The following SLC35F4 variants were observed in gnomAD, a reference collection of about 807,000 sequenced individuals.
SLC35F4 encodes chromosome 14 open reading frame 36.
In SLC35F4, 24 loss-of-function variants were observed where a neutral mutation model predicts 44.2. The ratio of observed to expected loss-of-function variants is 0.54; its 90% confidence interval spans 0.39 to 0.76. The LOEUF is 0.76. SLC35F4 is among the 30% of genes least tolerant of loss of function. The pLI is 0.00. For missense variants in SLC35F4, 562 were observed against 586.1 expected, an observed-to-expected ratio of 0.96 and a Z score of 0.42; for synonymous variants, 238 against 223.6, an observed-to-expected ratio of 1.06 and a Z score of -0.57.
At chr14:57,631,193 A>T (rs1566705960) in intron 1 of SLC35F4, 2 of 151,952 alleles carry the variant, frequency 1.3e-5, no homozygotes, top group Non-Finnish European at 2.9e-5. Context: ...TGAAGTGTGG[A>T]TTCGTTTTTT....
At chr14:57,705,828 A>T (rs2075658594) in intron 1 of SLC35F4, among the ~76,000 whole-genome samples, 1 of 152,100 alleles carries the variant, frequency 6.6e-6, no homozygotes, top group Non-Finnish European at 1.5e-5. Flanking sequence ...AAACTAACAT[A>T]CTGTCATATT....
intron 1 of SLC35F4, among the ~76,000 whole-genome samples, chr14:57,712,535 G>A (rs922235070): frequency 6.6e-6 from 1 of 152,126 alleles, no homozygotes; most frequent in African/African-American, 2.4e-5. Flanking sequence ...TATCTCACAC[G>A]TAATATTTTC....
chr14:57,847,920 A>G (rs1442818764), intron 1 of SLC35F4, among the ~76,000 whole-genome samples: 2 of 152,270 alleles, frequency 1.3e-5, no homozygotes, highest in Non-Finnish European at 2.9e-5. Context: ...CAGATTGAAT[A>G]CAAACATCTG....
chr14:57,643,380 T>A (rs188152795), intron 1 of SLC35F4, among the ~76,000 whole-genome samples: 1 of 152,088 alleles, frequency 6.6e-6, no homozygotes, highest in Non-Finnish European at 1.5e-5. Flanking sequence ...AAATAAATTA[T>A]CTTAAAATAA....
chr14:57,973,303 A>G (rs1881107353), downstream of SLC35F4, among the ~76,000 whole-genome samples: 2 of 152,184 alleles, frequency 1.3e-5, no homozygotes, highest in Admixed American at 1.3e-4. Context: ...GGAGGATATG[A>G]AAGACATAAC....
At chr14:57,712,809 G>GTTAT (rs1265188223) in intron 1 of SLC35F4, among the ~76,000 whole-genome samples, 1 of 152,122 alleles carries the variant, frequency 6.6e-6, no homozygotes, top group Non-Finnish European at 1.5e-5. Flanking sequence ...AGTAAAAGAA[G>GTTAT]TTATTTATAA....
At chr14:57,626,915 A>T (rs879036465) in intron 1 of SLC35F4, among the ~76,000 whole-genome samples, 1 of 152,112 alleles carries the variant, frequency 6.6e-6, no homozygotes, top group Non-Finnish European at 1.5e-5. Flanking sequence ...TCCCTTTTGA[A>T]AAGTTTTTTT....
intron 1 of SLC35F4, among the ~76,000 whole-genome samples, chr14:57,858,529 G>A (rs1345144340): frequency 6.6e-6 from 1 of 151,850 alleles, no homozygotes; most frequent in Admixed American, 6.6e-5. Context: ...AGGGCCTGTT[G>A]TGGGGTTGGG....
chr14:57,711,275 G>A (rs367626433), intron 1 of SLC35F4, among the ~76,000 whole-genome samples: 14 of 152,166 alleles, frequency 9.2e-5, no homozygotes, highest in South Asian at 6.2e-4. Flanking sequence ...TTTGCCTTCC[G>A]CCATGATTGT....
chr14:57,636,535 G>A (rs1368351611), intron 1 of SLC35F4, among the ~76,000 whole-genome samples: 1 of 152,020 alleles, frequency 6.6e-6, no homozygotes, highest in Non-Finnish European at 1.5e-5. Context: ...GAAAAAGCTT[G>A]ATAAAAGCAA....
intron 1 of SLC35F4, among the ~76,000 whole-genome samples, chr14:57,840,113 A>G (rs1885348717): frequency 6.6e-6 from 1 of 152,174 alleles, no homozygotes; most frequent in Non-Finnish European, 1.5e-5. Flanking sequence ...GCAAAATCCA[A>G]GGAGGAGAGA....
chr14:57,936,452 A>G (rs772943247), intron 1 of SLC35F4, among the ~76,000 whole-genome samples: 37 of 152,232 alleles, frequency 2.4e-4, no homozygotes, highest in Non-Finnish European at 4.8e-4. Flanking sequence ...CCACTGGTTC[A>G]GATCTTCTTC....
In SLC35F4 at chr14:57,608,755, G is replaced by C. The variant is rs1041837215; in HGVS notation, c.104-14631C>G. Among the ~76,000 whole-genome samples the C allele has an allele frequency of 4.3e-5, 6 of 139,522 alleles. 1 individual carries two copies. In the South Asian group the frequency reaches 1.4e-3, roughly 32 times the overall value. 91.5% of individuals were successfully genotyped at this position (139,522 alleles called of 152,430 possible). On this transcript the variant is annotated intron_variant, in intron 1 of 7. Coordinates refer to ENST00000556826, the MANE Select transcript of SLC35F4 (RefSeq NM_001306087.2). ...CCAGTAATTAAAAGGATATGAACCT[G>C]TTAAAAAAAGAAAAGCAGCCCAAAA...
chr14:57,795,797 T>G (rs1020762834), intron 1 of SLC35F4, among the ~76,000 whole-genome samples: 2 of 152,208 alleles, frequency 1.3e-5, no homozygotes, highest in Non-Finnish European at 2.9e-5. Flanking sequence ...CACTTTTTTT[T>G]CCTTCCAACC....
intron 1 of SLC35F4, among the ~76,000 whole-genome samples, chr14:57,829,492 G>GT (rs1474974598): frequency 6.6e-5 from 10 of 152,320 alleles, no homozygotes; most frequent in African/African-American, 2.2e-4. Context: ...AGCTGAAAGA[G>GT]TTGTACAAAG....
At chr14:57,671,409 G>A (rs187190643) in intron 1 of SLC35F4, among the ~76,000 whole-genome samples, 3 of 152,068 alleles carry the variant, frequency 2.0e-5, no homozygotes, top group Admixed American at 2.0e-4. Context: ...AGCAGGATAG[G>A]GTACTGACCA....
At chr14:57,653,939 G>A (rs901241504) in intron 1 of SLC35F4, among the ~76,000 whole-genome samples, 6 of 152,138 alleles carry the variant, frequency 3.9e-5, no homozygotes, top group African/African-American at 1.4e-4. Context: ...TCTATTCCAT[G>A]CTGCTCCCCT....
chr14:57,766,833 C>T (rs1184408259), intron 1 of SLC35F4, among the ~76,000 whole-genome samples: 1 of 152,082 alleles, frequency 6.6e-6, no homozygotes, highest in African/African-American at 2.4e-5. Context: ...TCAATAATTA[C>T]CTTAAATGTA....
intron 1 of SLC35F4, among the ~76,000 whole-genome samples, chr14:57,635,780 T>C (rs1057216945): frequency 6.6e-6 from 1 of 152,170 alleles, no homozygotes; most frequent in Non-Finnish European, 1.5e-5. Context: ...TGGAAGCTAA[T>C]GAGCTGTTTT....
Sources: gnomAD v4.1 joint callset for allele counts (sites outside exome capture counted in the v4.1 genomes callset) on GRCh38, gnomAD v4.1.1 for gene constraint, MANE v1.5 for transcripts, NCBI Gene and HGNC (gene_info 2026-07-23, HGNC 2026-07-21) for gene names.